The following NDUFAF6 variants were observed in gnomAD, a reference collection of about 807,000 sequenced individuals.
The protein encoded by NDUFAF6 is NADH:ubiquinone oxidoreductase complex assembly factor 6, also known as NADH dehydrogenase (ubiquinone) complex I, assembly factor 6.
Under a neutral mutation model 40.8 loss-of-function variants are expected in NDUFAF6, and 45 were observed. The observed-to-expected ratio is 1.10, with a 90% CI of 0.87 to 1.42. The LOEUF (loss-of-function observed/expected upper bound fraction) is 1.42. Among genes scored for constraint, NDUFAF6 ranks in the 40% most tolerant of loss-of-function variants. The pLI is 0.00. For missense variants in NDUFAF6, 435 were observed against 418.5 expected (o/e 1.04, Z -0.34); for synonymous variants, 185 against 155.9 (o/e 1.19, Z -1.39).
rs1024258703 is a variant in NDUFAF6, at chr8:94,987,484, G to A, written c.-84+6511G>A. ...CATTGTCCACAAGTACTCATTTGTG[G>A]GACTCAATATGTTCCCAGCCACAAC... On this transcript the variant is annotated intron_variant, in intron 2 of 9. Coordinates refer to the NDUFAF6 transcript ENST00000396111. Among the ~76,000 whole-genome samples, 3 of 145,160 alleles carry A rather than the reference G, an allele frequency of 2.1e-5. No homozygotes were observed. In the Admixed American group the frequency reaches 2.1e-4, roughly 10 times the overall value.
At chr8:94,946,285 G>A (rs1172489997) in intron 2 of NDUFAF6, among the ~76,000 whole-genome samples, 1 of 152,122 alleles carries the variant, frequency 6.6e-6, no homozygotes, top group East Asian at 1.9e-4. Context: ...TACTCACGGG[G>A]AAGAGCATTC....
intron 1 of NDUFAF6, among the ~76,000 whole-genome samples, chr8:94,914,130 T>TTG (rs1818972046): frequency 7.3e-6 from 1 of 136,494 alleles, no homozygotes. Flanking sequence ...TTTTTTTCAG[T>TTG]GGTTTCTCTG....
chr8:95,054,417 G>T (rs1831848351), intron 8 of NDUFAF6, among the ~76,000 whole-genome samples: 1 of 148,268 alleles, frequency 6.7e-6, no homozygotes, highest in South Asian at 2.2e-4. Flanking sequence ...GGGGGGTGGG[G>T]CCCAGTTCTC....
At chr8:95,088,923 C>A (rs995133995) in intron 2 of NDUFAF6, among the ~76,000 whole-genome samples, 1 of 151,074 alleles carries the variant, frequency 6.6e-6, no homozygotes, top group African/African-American at 2.4e-5. Flanking sequence ...TACTGCCTGG[C>A]TAATTTTTGT....
chr8:94,993,079 T>C (rs1411981392), intron 2 of NDUFAF6, among the ~76,000 whole-genome samples: 1 of 152,222 alleles, frequency 6.6e-6, no homozygotes, highest in East Asian at 1.9e-4. Flanking sequence ...TCAAGGTGTT[T>C]GAAGGGCTGA....
chr8:95,096,708 G>A (rs994064044), upstream of NDUFAF6, among the ~76,000 whole-genome samples: 1 of 152,172 alleles, frequency 6.6e-6, no homozygotes, highest in Non-Finnish European at 1.5e-5. Context: ...TATTGGATCT[G>A]ATTCAAAGCA....
At chr8:95,030,012 T>C (rs955547854) in intron 1 of NDUFAF6, among the ~76,000 whole-genome samples, 1 of 152,162 alleles carries the variant, frequency 6.6e-6, no homozygotes, top group Admixed American at 6.5e-5. Flanking sequence ...TTTACCCCTT[T>C]AACATTTTCA....
chr8:95,013,783 G>C (rs1586966337), intron 2 of NDUFAF6, among the ~76,000 whole-genome samples: 1 of 152,202 alleles, frequency 6.6e-6, no homozygotes, highest in African/African-American at 2.4e-5. Flanking sequence ...GGGTTACAAG[G>C]TGAATTGTGT....
intron 5 of NDUFAF6, among the ~76,000 whole-genome samples, chr8:95,046,221 C>A (rs541999614): frequency 1.3e-5 from 2 of 152,128 alleles, no homozygotes; most frequent in South Asian, 4.2e-4. Context: ...CCACCACGCC[C>A]AGCTAAATTT....
rs544630936 is a variant in NDUFAF6, at chr8:94,993,227, C to T, written c.-84+12254C>T. On this transcript the variant is annotated intron_variant, in intron 2 of 9. Coordinates refer to the NDUFAF6 transcript ENST00000396111. ...ACCAATCATATTGGATTAGGACCCA[C>T]TCTAACAAGCTCAGTTTTAACCTAA... 2.8e-4 allele frequency among the ~76,000 whole-genome samples: 42 copies of T among 152,306 alleles called. 1 individual carries two copies. Among genetic ancestry groups the T allele is most frequent in the African/African-American group, 9.6e-4 (40 of 41,570 alleles).
chr8:95,033,136 GCTTTAAAGCAATCCTCCCAC>G (rs1300411568), intron 2 of NDUFAF6, among the ~76,000 whole-genome samples: 1 of 152,040 alleles, frequency 6.6e-6, no homozygotes, highest in African/African-American at 2.4e-5. Context: ...GAACTCCTGG[GCTTTAAAGCAATCCTCCCAC>G]CTCAGCCTCC....
chr8:95,002,848 C>T (rs912282594), intron 2 of NDUFAF6, among the ~76,000 whole-genome samples: 7 of 152,062 alleles, frequency 4.6e-5, no homozygotes, highest in Admixed American at 6.6e-5. Flanking sequence ...TGGTGTCAGG[C>T]GTAAGTGGAT....
chr8:95,085,548 C>G (rs1809015877), intron 2 of NDUFAF6: 1 of 152,102 alleles, frequency 6.6e-6, no homozygotes, highest in South Asian at 2.1e-4. Context: ...CTTTGCCAGG[C>G]ACGCTGGCAC....
At chr8:94,924,604 C>G (rs1819734747) in intron 1 of NDUFAF6, among the ~76,000 whole-genome samples, 2 of 152,182 alleles carry the variant, frequency 1.3e-5, no homozygotes, top group Non-Finnish European at 2.9e-5. Flanking sequence ...GTTTGACTGC[C>G]CACTTCTAGA....
intron 1 of NDUFAF6, chr8:94,941,141 A>G (rs1249065453): frequency 1.2e-5 from 7 of 566,994 alleles, no homozygotes; most frequent in African/African-American, 1.9e-5. Context: ...ATGCACATAT[A>G]TACATAAGTA....
At chr8:95,019,018 C>G (rs1328760328) in intron 2 of NDUFAF6, among the ~76,000 whole-genome samples, 1 of 152,106 alleles carries the variant, frequency 6.6e-6, no homozygotes, top group East Asian at 1.9e-4. Flanking sequence ...TATATATTTA[C>G]TTATTTATTT....
At chr8:95,109,549 T>C (rs1418865877) in intron 4 of NDUFAF6, among the ~76,000 whole-genome samples, 2 of 151,020 alleles carry the variant, frequency 1.3e-5, no homozygotes, top group East Asian at 2.0e-4. Flanking sequence ...TTGCAGAAAA[T>C]GTAATCATAG....
intron 1 of NDUFAF6, chr8:94,896,467 C>G (rs1381961253): frequency 2.0e-5 from 3 of 152,274 alleles, no homozygotes; most frequent in African/African-American, 7.2e-5. Flanking sequence ...AACTGCACAT[C>G]GTCAAGTCAG....
intron 9 of NDUFAF6, chr8:95,066,710 C>T (rs1187999389): frequency 6.6e-6 from 1 of 152,144 alleles, no homozygotes; most frequent in Non-Finnish European, 1.5e-5. Context: ...AGTGAAAAGG[C>T]AGCAGAAACA....
Sources: allele counts gnomAD v4.1 joint callset (sites outside exome capture counted in the v4.1 genomes callset), GRCh38; gene constraint gnomAD v4.1.1; transcripts MANE v1.5; gene names NCBI Gene and HGNC (gene_info 2026-07-23, HGNC 2026-07-21).